SLC14A2: variants seen among roughly 807,000 people sequenced by gnomAD.
SLC14A2 encodes solute carrier family 14 member 2.
A neutral mutation model predicts 104.6 loss-of-function variants in SLC14A2; 91 were observed. The observed-to-expected ratio is 0.87, with a 90% CI of 0.73 to 1.04. The LOEUF (loss-of-function observed/expected upper bound fraction) is 1.04, where lower values mean the gene tolerates loss of function less well. Ranked by LOEUF, SLC14A2 falls within the 50% of genes least tolerant of loss-of-function variation. SLC14A2 has a pLI of 0.00. For synonymous variants in SLC14A2, 476 were observed against 466.4 expected, an observed-to-expected ratio of 1.02 and a Z score of -0.27; for missense variants, 1,189 against 1,156.0, an observed-to-expected ratio of 1.03 and a Z score of -0.41.
intron 1 of SLC14A2, among the ~76,000 whole-genome samples, chr18:45,332,306 T>C (rs1321944360): frequency 6.6e-6 from 1 of 152,230 alleles, no homozygotes; most frequent in Non-Finnish European, 1.5e-5. Context: ...ACAAACTTCT[T>C]TTCTTGTCGC....
intron 2 of SLC14A2, among the ~76,000 whole-genome samples, chr18:45,603,242 C>A (rs2044817484): frequency 6.6e-6 from 1 of 152,126 alleles, no homozygotes; most frequent in African/African-American, 2.4e-5. Context: ...GATCCCCAAT[C>A]ACAGCAATTT....
At chr18:45,639,037 C>T (rs1165561025) in intron 6 of SLC14A2, among the ~76,000 whole-genome samples, 2 of 152,362 alleles carry the variant, frequency 1.3e-5, no homozygotes, top group Middle Eastern at 3.4e-3. Context: ...CACCAAGTTA[C>T]TCTCAGGCTC....
chr18:45,430,259 G>C (rs2086493106), intron 1 of SLC14A2, among the ~76,000 whole-genome samples: 1 of 152,106 alleles, frequency 6.6e-6, no homozygotes, highest in South Asian at 2.1e-4. Context: ...AGCAATGCTG[G>C]AACAAAAAAC....
At chr18:45,346,170 C>T (rs2085446039) in intron 1 of SLC14A2, among the ~76,000 whole-genome samples, 1 of 151,590 alleles carries the variant, frequency 6.6e-6, no homozygotes, top group Non-Finnish European at 1.5e-5. Context: ...CCTTTTTTTT[C>T]CCCTTGAGTT....
At position 45,672,941 on chromosome 18, in the gene SLC14A2, C is replaced by T. The variant is rs1329475455; in HGVS notation, c.2271C>T (p.Gly757=). The stretch of plus-strand genomic sequence containing the variant: ...CCGTTGGAATTGGCCAAGTGTACGG[C>T]TGTGATAACCCCTGGACTGGAGGCA... ...AIPVGIGQVY[G]CDNPWTGGIF... Residue 757 remains glycine (G), a synonymous_variant, in exon 17 of 20, where the codon GGC becomes GGT. Coordinates refer to ENST00000255226, the MANE Select transcript of SLC14A2 (RefSeq NM_007163.4). 2 of 1,614,114 alleles carry T rather than the reference C, an allele frequency of 1.2e-6. No individual in the cohort carries two copies. Among genetic ancestry groups the T allele is most frequent in the South Asian group, 2.2e-5 (2 of 91,078 alleles).
chr18:45,570,769 T>C (rs2044333793), intron 2 of SLC14A2, among the ~76,000 whole-genome samples: 1 of 152,240 alleles, frequency 6.6e-6, no homozygotes, highest in Non-Finnish European at 1.5e-5. Flanking sequence ...GGAGAGTGTT[T>C]AGAAATTAGA....
chr18:45,317,505 G>A (rs1207428508), intron 1 of SLC14A2, among the ~76,000 whole-genome samples: 1 of 152,196 alleles, frequency 6.6e-6, no homozygotes. Context: ...AGAATAACAG[G>A]AGCCTGTTTT....
rs1408693203 is a variant in SLC14A2, at chr18:45,644,057, C to A, written c.1248C>A (p.Asn416Lys). 1 of 1,614,126 alleles carries A rather than the reference C, an allele frequency of 6.2e-7. No homozygotes were observed. Among genetic ancestry groups the A allele is most frequent in the African/African-American group, 1.3e-5 (1 of 74,944 alleles). Reference sequence around the variant, plus strand: ...TCTTCCTGCTCCTGACGACAAACAACCCAGCCATCTTCAGACTCCCACTCA... The same window carrying A: ...TCTTCCTGCTCCTGACGACAAACAAACCAGCCATCTTCAGACTCCCACTCA... ...TIIFLLLTTNNPAIFRLPLSK... is the reference protein window; with the variant it reads ...TIIFLLLTTNKPAIFRLPLSK... The change falls in exon 10 of 20, where the codon AAC becomes AAA. Residue 416 changes from asparagine (N) to lysine (K), a missense_variant. Coordinates refer to ENST00000255226, the MANE Select transcript of SLC14A2 (RefSeq NM_007163.4).
chr18:45,506,004 C>T (rs994558941), intron 2 of SLC14A2, among the ~76,000 whole-genome samples: 3 of 152,190 alleles, frequency 2.0e-5, no homozygotes, highest in Non-Finnish European at 4.4e-5. Flanking sequence ...AAAAGATGTT[C>T]TGAGGGAGGG....
At chr18:45,246,919 A>G (rs971506926) in intron 1 of SLC14A2, among the ~76,000 whole-genome samples, 11 of 152,192 alleles carry the variant, frequency 7.2e-5, no homozygotes, top group African/African-American at 2.7e-4. Context: ...GGGGAATAAG[A>G]CTTAACAGAG....
At chr18:45,293,663 G>C (rs369625291) in intron 1 of SLC14A2, among the ~76,000 whole-genome samples, 3 of 152,328 alleles carry the variant, frequency 2.0e-5, no homozygotes, top group South Asian at 2.1e-4. Context: ...AGGCAAGTTT[G>C]ATCTTTAAAG....
the SLC14A2 span, among the ~76,000 whole-genome samples, chr18:45,189,486 G>T: frequency 6.6e-6 from 1 of 152,160 alleles, no homozygotes; most frequent in African/African-American, 2.4e-5. Flanking sequence ...AGCCTATGGA[G>T]AAACTGTCAT....
chr18:45,501,543 A>G (rs2144762118), intron 2 of SLC14A2, among the ~76,000 whole-genome samples: 2 of 152,306 alleles, frequency 1.3e-5, no homozygotes, highest in Middle Eastern at 3.4e-3. Flanking sequence ...GAGAAGTGTC[A>G]TTGTCTCTGT....
rs370029401 is a variant in SLC14A2, at chr18:45,563,066, G to C, written c.-34-61565G>C. Among the ~76,000 whole-genome samples the C allele has an allele frequency of 4.2e-4, 64 of 152,336 alleles. No homozygotes were observed. In the East Asian group the frequency reaches 8.1e-3, roughly 19 times the overall value. ...TAAATTTTATTAAAAGGAAACGCAG[G>C]GGGGCTGGCAGGGCCCAGCCAGGCC... On this transcript the variant is annotated intron_variant, in intron 2 of 20. Coordinates refer to the SLC14A2 transcript ENST00000586448.
intron 1 of SLC14A2, among the ~76,000 whole-genome samples, chr18:45,422,557 G>A (rs926702400): frequency 9.2e-5 from 14 of 152,238 alleles, no homozygotes; most frequent in Non-Finnish European, 1.5e-4. Context: ...GACAGAAGAC[G>A]GCTGAGCCAG....
chr18:45,399,860 A>AC (rs1370698275), intron 1 of SLC14A2, among the ~76,000 whole-genome samples: 6 of 151,962 alleles, frequency 3.9e-5, no homozygotes, highest in African/African-American at 1.4e-4. Context: ...GGACAAAGCC[A>AC]CCCCATCAAC....
chr18:45,360,928 C>T (rs75052481), intron 1 of SLC14A2, among the ~76,000 whole-genome samples: 3,867 of 152,152 alleles, frequency 0.025, 57 homozygotes, highest in South Asian at 0.041. Context: ...TCTCTTTGTC[C>T]CTCTGTGCCA....
intron 1 of SLC14A2, among the ~76,000 whole-genome samples, chr18:45,367,870 T>C (rs148869208): frequency 2.0e-4 from 31 of 152,258 alleles, no homozygotes; most frequent in Non-Finnish European, 4.0e-4. Flanking sequence ...GGAATTGTAA[T>C]CAGAATAAAG....
chr18:45,362,690 C>A (rs556137148), intron 1 of SLC14A2, among the ~76,000 whole-genome samples: 1 of 152,168 alleles, frequency 6.6e-6, no homozygotes, highest in African/African-American at 2.4e-5. Flanking sequence ...GGGCCACCCA[C>A]GTTCTGTCCA....
Sources: gnomAD v4.1 joint callset for allele counts (sites outside exome capture counted in the v4.1 genomes callset) on GRCh38, gnomAD v4.1.1 for gene constraint, MANE v1.5 for transcripts, NCBI Gene and HGNC (gene_info 2026-07-23, HGNC 2026-07-21) for gene names.